Variants in EEPD1 observed in about 807,000 individuals in gnomAD.
EEPD1 encodes the protein endonuclease/exonuclease/phosphatase family domain-containing protein 1.
In EEPD1, 17 loss-of-function variants were observed where a neutral mutation model predicts 46.3. The observed-to-expected ratio is 0.37, with a 90% confidence interval of 0.25 to 0.55. EEPD1 has a LOEUF of 0.55. Ranked by LOEUF, EEPD1 falls within the 20% of genes least tolerant of loss-of-function variation. EEPD1 has a pLI of 0.83. For missense variants in EEPD1, 673 were observed against 745.6 expected (o/e 0.90, Z 1.13); for synonymous variants, 313 against 315.6 (o/e 0.99, Z 0.09).
chr7:36,199,743 CA>C (rs762355262), intron 2 of EEPD1, among the ~76,000 whole-genome samples: 97 of 152,270 alleles, frequency 6.4e-4, no homozygotes, highest in Non-Finnish European at 1.2e-3. Context: ...AGACTACCTT[CA>C]AAAGCTATGG....
intron 2 of EEPD1, among the ~76,000 whole-genome samples, chr7:36,164,639 C>T (rs1189503818): frequency 6.6e-6 from 1 of 152,184 alleles, no homozygotes; most frequent in Non-Finnish European, 1.5e-5. Flanking sequence ...ACTGACCTAC[C>T]ATTCTTTCCT....
Position 36,281,153 on chromosome 7 carries a change from C to T in EEPD1, c.969C>T (p.Ile323=). 6 of 1,614,188 alleles carry T rather than the reference C, an allele frequency of 3.7e-6. No homozygotes were observed. Among genetic ancestry groups the T allele is most frequent in the Non-Finnish European group, 5.1e-6 (6 of 1,180,052 alleles). The change falls in exon 4 of 8, where the codon ATC becomes ATT. Residue 323 remains isoleucine, a synonymous_variant. Transcript: ENST00000242108. ...TAAACCAGCCGACCCTGCCCAACATCCGCAAGTGGAAGGGGCCCCGGGGAT... is the reference window on the plus strand; with the variant it reads ...TAAACCAGCCGACCCTGCCCAACATTCGCAAGTGGAAGGGGCCCCGGGGAT... ...TELNQPTLPN[I]RKWKGPRGCW...
At chr7:36,277,863 AG>A (rs1454000978) in intron 3 of EEPD1, among the ~76,000 whole-genome samples, 1 of 149,542 alleles carries the variant, frequency 6.7e-6, no homozygotes, top group Non-Finnish European at 1.5e-5. Flanking sequence ...AGGTTATTAA[AG>A]GACAGGGCTT....
chr7:36,164,674 A>G (rs556833501), intron 2 of EEPD1, among the ~76,000 whole-genome samples: 9 of 152,286 alleles, frequency 5.9e-5, no homozygotes, highest in African/African-American at 1.4e-4. Context: ...GAAAAAGTCA[A>G]TCTCTGGAGA....
Position 36,281,123 on chromosome 7 carries a change from G to T in EEPD1, c.939G>T (p.Thr313=), listed in dbSNP as rs777237364. ...LDREALEKFC[T]ELNQPTLPNI... Reference sequence around the variant, plus strand: ...GTGCTCTGTCTTTGCAGTTCTGCACGGAGCTAAACCAGCCGACCCTGCCCA... The same window carrying T: ...GTGCTCTGTCTTTGCAGTTCTGCACTGAGCTAAACCAGCCGACCCTGCCCA... The change falls in exon 4 of 8, where the codon ACG becomes ACT. Residue 313 remains threonine (T), a synonymous_variant. Transcript: ENST00000242108. The T allele has an allele frequency of 3.1e-6, 5 of 1,613,990 alleles. No homozygotes were observed. Among genetic ancestry groups the T allele is most frequent in the Non-Finnish European group, 4.2e-6 (5 of 1,180,024 alleles).
intron 2 of EEPD1, among the ~76,000 whole-genome samples, chr7:36,205,841 G>A (rs1007406485): frequency 7.9e-5 from 12 of 152,174 alleles, no homozygotes; most frequent in African/African-American, 2.9e-4. Context: ...TGGAGTCAAG[G>A]ATAGCAGAGA....
chr7:36,180,151 G>A (rs1037347721), intron 2 of EEPD1, among the ~76,000 whole-genome samples: 2 of 152,192 alleles, frequency 1.3e-5, no homozygotes, highest in African/African-American at 4.8e-5. Flanking sequence ...CATTAATAAA[G>A]GAATTAGGTA....
intron 5 of EEPD1, among the ~76,000 whole-genome samples, chr7:36,286,142 G>A (rs371832397): frequency 3.3e-5 from 5 of 152,216 alleles, no homozygotes; most frequent in East Asian, 3.9e-4. Flanking sequence ...TTACCACAAC[G>A]CAGGCTGTTT....
intron 3 of EEPD1, 37 bp from the exon 4 acceptor site, chr7:36,281,078 C>T (rs192659880): frequency 1.4e-4 from 218 of 1,597,154 alleles, no homozygotes; most frequent in Admixed American, 4.3e-4. Flanking sequence ...GCTTTAGGCG[C>T]GAACCCACGC....
At chr7:36,288,919 GA>G (rs1787382584) in intron 6 of EEPD1, among the ~76,000 whole-genome samples, 1 of 152,186 alleles carries the variant, frequency 6.6e-6, no homozygotes, top group Admixed American at 6.5e-5. Flanking sequence ...TCAGAACACT[GA>G]CCTTGTCTAG....
chr7:36,248,731 ACTC>A (rs1255834847), intron 3 of EEPD1, among the ~76,000 whole-genome samples: 1 of 151,840 alleles, frequency 6.6e-6, no homozygotes, highest in African/African-American at 2.4e-5. Context: ...TCATGAGTAA[ACTC>A]ATTGTAATCA....
intron 4 of EEPD1, among the ~76,000 whole-genome samples, chr7:36,282,985 T>G (rs530565776): frequency 8.5e-5 from 13 of 152,298 alleles, no homozygotes; most frequent in East Asian, 5.8e-4. Context: ...TAGACAAACA[T>G]AAGAAAGTGG....
chr7:36,171,629 A>G (rs960858235), intron 2 of EEPD1, among the ~76,000 whole-genome samples: 1 of 152,246 alleles, frequency 6.6e-6, no homozygotes. Context: ...GTGTGTGTGA[A>G]TTATAAATAT....
Position 36,219,806 on chromosome 7 carries a change from A to AGAGTGTGTGTGT in EEPD1, c.879-19178_879-19177insAGTGTGTGTGTG, listed in dbSNP as rs1341203087. ...GAGAGAGAGAGAGAGAGAGAGAGAG[A>AGAGTGTGTGTGT]GTGTGTGTGTGTGTGTGTGTGTGTG... is the stretch of plus-strand genomic sequence containing the variant. On this transcript the variant is annotated intron_variant, in intron 2 of 7. Transcript: ENST00000242108. 1.0e-3 allele frequency among the ~76,000 whole-genome samples: 77 copies of AGAGTGTGTGTGT among 75,428 alleles called. 1 individual carries two copies. The highest frequency in any genetic ancestry group is 2.1e-3 in the African/African-American group (46 of 21,946). The allele number at this position is 75,428 out of a possible 152,430, so 49.5% of individuals were successfully genotyped here.
chr7:36,291,310 G>A (rs924718041), intron 6 of EEPD1, among the ~76,000 whole-genome samples: 2 of 152,208 alleles, frequency 1.3e-5, no homozygotes, highest in Non-Finnish European at 2.9e-5. Flanking sequence ...TGATGCACTT[G>A]GTGTCGCAGT....
intron 3 of EEPD1, among the ~76,000 whole-genome samples, chr7:36,250,144 C>G (rs1786711226): frequency 6.6e-6 from 1 of 152,152 alleles, no homozygotes; most frequent in Non-Finnish European, 1.5e-5. Flanking sequence ...ATCACTTGAG[C>G]CTGGGAGGCC....
intron 3 of EEPD1, among the ~76,000 whole-genome samples, chr7:36,250,800 TCAGGAGGTCC>T (rs1403642926): frequency 6.6e-6 from 1 of 152,290 alleles, no homozygotes; most frequent in Admixed American, 6.5e-5. Flanking sequence ...GTTTCCACAT[TCAGGAGGTCC>T]CAGCACTGTT....
intron 5 of EEPD1, among the ~76,000 whole-genome samples, chr7:36,285,762 C>T (rs770388480): frequency 6.6e-6 from 1 of 152,204 alleles, no homozygotes; most frequent in Non-Finnish European, 1.5e-5. Flanking sequence ...TCACCTCAAA[C>T]CCCAGCCCAG....
intron 3 of EEPD1, among the ~76,000 whole-genome samples, chr7:36,276,393 G>C (rs888782123): frequency 5.9e-5 from 9 of 152,160 alleles, no homozygotes; most frequent in African/African-American, 2.2e-4. Flanking sequence ...CTCATTGGTA[G>C]CTCTTATAAC....
Sources: gnomAD v4.1 joint callset for allele counts (sites outside exome capture counted in the v4.1 genomes callset) on GRCh38, gnomAD v4.1.1 for gene constraint, MANE v1.5 for transcripts, NCBI Gene and HGNC (gene_info 2026-07-23, HGNC 2026-07-21) for gene names.